The following DLGAP2 variants were observed in gnomAD, a reference collection of about 807,000 sequenced individuals.
The protein encoded by DLGAP2 is DLG associated protein 2.
Under a neutral mutation model 100.3 loss-of-function variants are expected in DLGAP2, and 26 were observed. The observed-to-expected ratio is 0.26, with a 90% CI of 0.19 to 0.36. DLGAP2 has a LOEUF of 0.36. Ranked by LOEUF, DLGAP2 falls within the 10% of genes least tolerant of loss-of-function variation. DLGAP2 has a pLI of 1.00. For missense variants in DLGAP2, 1,858 were observed against 1,453.2 expected (o/e 1.28, Z -4.53); for synonymous variants, 886 against 630.1 (o/e 1.41, Z -6.08).
chr8:1,058,772 G>C (rs1461248289), intron 2 of DLGAP2, among the ~76,000 whole-genome samples: 2 of 152,204 alleles, frequency 1.3e-5, no homozygotes, highest in East Asian at 3.9e-4. Context: ...GATCTTAAAA[G>C]TGATATTTGA....
At chr8:1,681,162 G>C (rs1481833216) in intron 12 of DLGAP2, among the ~76,000 whole-genome samples, 1 of 152,134 alleles carries the variant, frequency 6.6e-6, no homozygotes, top group Non-Finnish European at 1.5e-5. Flanking sequence ...TCCCATTCGG[G>C]ACACATTCAG....
At chr8:1,266,289 C>G (rs755779809) in intron 3 of DLGAP2, among the ~76,000 whole-genome samples, 2 of 152,228 alleles carry the variant, frequency 1.3e-5, no homozygotes, top group African/African-American at 4.8e-5. Flanking sequence ...CTTACCCAAG[C>G]AGCCATGCTT....
At chr8:901,188 G>A (rs1027402497) in intron 1 of DLGAP2, among the ~76,000 whole-genome samples, 1 of 152,188 alleles carries the variant, frequency 6.6e-6, no homozygotes, top group Non-Finnish European at 1.5e-5. Context: ...TCAGGAGGCT[G>A]ATGTAGGAGG....
At chr8:1,410,854 A>C (rs1373163561) in intron 3 of DLGAP2, among the ~76,000 whole-genome samples, 2 of 148,110 alleles carry the variant, frequency 1.4e-5, no homozygotes, top group Admixed American at 1.3e-4. Context: ...TTTTTTTTAA[A>C]CTTCCTTGTT....
At chr8:814,322 A>C (rs953692110) in intron 1 of DLGAP2, among the ~76,000 whole-genome samples, 3 of 152,210 alleles carry the variant, frequency 2.0e-5, no homozygotes, top group African/African-American at 7.2e-5. Context: ...ACACTAGTTT[A>C]GCTCTTAGAA....
chr8:987,339 T>A (rs1197069807), intron 2 of DLGAP2, among the ~76,000 whole-genome samples: 1 of 152,098 alleles, frequency 6.6e-6, no homozygotes, highest in Non-Finnish European at 1.5e-5. Flanking sequence ...CAGGTCTCAG[T>A]GGGGCTGGGC....
At chr8:1,681,516 G>A (rs369423298) in intron 12 of DLGAP2, among the ~76,000 whole-genome samples, 3 of 151,938 alleles carry the variant, frequency 2.0e-5, no homozygotes, top group Non-Finnish European at 2.9e-5. Flanking sequence ...AAAGTAGCCC[G>A]GTGTGGTGGC....
At chr8:1,667,481 T>C (rs1006049687) in intron 8 of DLGAP2, among the ~76,000 whole-genome samples, 2 of 152,146 alleles carry the variant, frequency 1.3e-5, no homozygotes, top group Non-Finnish European at 2.9e-5. Context: ...TTTCCGGTGG[T>C]CTTCCTACAA....
At chr8:1,540,872 G>A (rs1189993676) in intron 4 of DLGAP2, among the ~76,000 whole-genome samples, 1 of 152,206 alleles carries the variant, frequency 6.6e-6, no homozygotes, top group Non-Finnish European at 1.5e-5. Context: ...TCTATTTGGG[G>A]CTAAGATTTT....
At chr8:1,485,001 T>G (rs1240853210) in intron 3 of DLGAP2, among the ~76,000 whole-genome samples, 1 of 152,176 alleles carries the variant, frequency 6.6e-6, no homozygotes, top group Non-Finnish European at 1.5e-5. Flanking sequence ...ATTCCGCTAA[T>G]AATAACTGCA....
chr8:1,179,081 A>G, intron 2 of DLGAP2, among the ~76,000 whole-genome samples: 1 of 152,278 alleles, frequency 6.6e-6, no homozygotes. Flanking sequence ...AACAGGCTTT[A>G]AAAGAAGCAT....
intron 3 of DLGAP2, among the ~76,000 whole-genome samples, chr8:1,342,019 C>T (rs757135347): frequency 3.3e-5 from 5 of 152,110 alleles, no homozygotes; most frequent in African/African-American, 1.2e-4. Context: ...GGTGTGATCT[C>T]AGGTCACTGC....
At chr8:1,112,750 T>C (rs2129046120) in intron 2 of DLGAP2, among the ~76,000 whole-genome samples, 1 of 152,362 alleles carries the variant, frequency 6.6e-6, no homozygotes, top group East Asian at 1.9e-4. Flanking sequence ...TTTCCCCTTT[T>C]GTTGCAGAAA....
At chr8:1,671,183 C>T (rs1798681721) in intron 10 of DLGAP2, among the ~76,000 whole-genome samples, 1 of 152,238 alleles carries the variant, frequency 6.6e-6, no homozygotes, top group African/African-American at 2.4e-5. Context: ...CCACTCCACC[C>T]CTCTCTGCTC....
rs1799571932 is a variant in DLGAP2 at position 1,701,546 on chromosome 8, G to A, written c.*140G>A. 5 of 938,816 alleles carry A rather than the reference G, an allele frequency of 5.3e-6. No individual in the cohort carries two copies. The highest frequency in any genetic ancestry group is 7.7e-6 in the Non-Finnish European group (5 of 648,466). The allele number at this position is 938,816 out of a possible 1,614,324, so 58.2% of individuals were successfully genotyped here. ...GCGCTCCCCGCGCCCCGGACACAGC[G>A]GGACGCGGCCGGCGGCCTCAGAGTC... On this transcript the variant is annotated 3_prime_UTR_variant, in exon 15 of 15. Transcript: ENST00000637795.
rs190936193 is a variant in DLGAP2, at chr8:834,806, C to A, written c.19-73106C>A. Among the ~76,000 whole-genome samples, 33 of 152,304 alleles carry A rather than the reference C, an allele frequency of 2.2e-4. No homozygotes were observed. In the Middle Eastern group the frequency reaches 0.01, roughly 47 times the overall value. On this transcript the variant is annotated intron_variant, in intron 1 of 14. Transcript: ENST00000637795. ...TCATTTGTACCCCAAACCTCAGCCT[C>A]ATGCAGTATATCCATGTAACAAACC...
intron 2 of DLGAP2, among the ~76,000 whole-genome samples, chr8:1,140,978 G>C (rs1158413685): frequency 6.6e-6 from 1 of 152,196 alleles, no homozygotes; most frequent in African/African-American, 2.4e-5. Flanking sequence ...GCAAGACTCT[G>C]TCTCAAAAAT....
At chr8:1,454,815 T>A (rs1798259599) in intron 3 of DLGAP2, among the ~76,000 whole-genome samples, 1 of 152,158 alleles carries the variant, frequency 6.6e-6, no homozygotes, top group Non-Finnish European at 1.5e-5. Context: ...CACTGAGCAC[T>A]CAGACCTTCG....
chr8:1,326,407 C>T (rs1381704594), intron 3 of DLGAP2, among the ~76,000 whole-genome samples: 3 of 152,212 alleles, frequency 2.0e-5, no homozygotes, highest in East Asian at 3.9e-4. Context: ...CACTGACTCA[C>T]TGATGAGCAA....
Sources: gnomAD v4.1 joint callset for allele counts (sites outside exome capture counted in the v4.1 genomes callset) on GRCh38, gnomAD v4.1.1 for gene constraint, MANE v1.5 for transcripts, NCBI Gene and HGNC (gene_info 2026-07-23, HGNC 2026-07-21) for gene names.